ZNF652: variants seen among roughly 807,000 people sequenced by gnomAD.
ZNF652 encodes the protein zinc finger protein 652.
A neutral mutation model predicts 45.2 loss-of-function variants in ZNF652; 16 were observed. The ratio of observed to expected loss-of-function variants is 0.35; its 90% confidence interval spans 0.24 to 0.54. The LOEUF is 0.54. Among genes scored for constraint, ZNF652 ranks in the 20% least tolerant of loss-of-function variants. ZNF652 has a pLI of 0.91. For missense variants in ZNF652, 614 were observed against 765.6 expected, an observed-to-expected ratio of 0.80 and a Z score of 2.34; for synonymous variants, 250 against 260.6, an observed-to-expected ratio of 0.96 and a Z score of 0.39.
chr17:49,326,584 G>A (rs911686496), intron 1 of ZNF652, among the ~76,000 whole-genome samples: 5 of 152,104 alleles, frequency 3.3e-5, no homozygotes, highest in Non-Finnish European at 7.4e-5. Context: ...AGAAAAAACC[G>A]ACATGTGAAC....
At chr17:49,300,608 T>C (rs946742559) in intron 5 of ZNF652, among the ~76,000 whole-genome samples, 8 of 152,216 alleles carry the variant, frequency 5.3e-5, no homozygotes, top group African/African-American at 1.9e-4. Flanking sequence ...TACTTCTGTA[T>C]ATGCACTTCG....
intron 1 of ZNF652, among the ~76,000 whole-genome samples, chr17:49,344,491 T>A (rs2070183627): frequency 6.6e-6 from 1 of 151,758 alleles, no homozygotes. Context: ...ATCAAAGAAT[T>A]TTCACATTAG....
At chr17:49,345,611 G>A (rs966275284) in intron 1 of ZNF652, among the ~76,000 whole-genome samples, 2 of 151,580 alleles carry the variant, frequency 1.3e-5, no homozygotes, top group Admixed American at 1.3e-4. Flanking sequence ...GGAGGCTGAG[G>A]TGGGCCGATC....
rs1167677407 is a variant in ZNF652 at position 49,312,720 on chromosome 17, A to G, written c.1026T>C (p.Ala342=). 2 of 1,613,948 alleles carry G rather than the reference A, an allele frequency of 1.2e-6. No homozygotes were observed. Among genetic ancestry groups the G allele is most frequent in the Non-Finnish European group, 1.7e-6 (2 of 1,179,964 alleles). The part of the protein sequence containing the change: ...EICEKKFYTM[A]HVRKHMVAHT... ...TACCAACCATGTGTTTCCGCACATG[A>G]GCCATGGTATAGAATTTCTTCTCAC... The change falls in exon 3 of 6, where the codon GCT becomes GCC. Residue 342 remains alanine (A), a synonymous_variant. Transcript: ENST00000430262.
chr17:49,330,683 G>A (rs908284343), intron 1 of ZNF652, among the ~76,000 whole-genome samples: 5 of 151,858 alleles, frequency 3.3e-5, no homozygotes, highest in Admixed American at 2.0e-4. Context: ...AAATGGAGTA[G>A]TCCATTTTTA....
rs575701362 is a variant in ZNF652, at chr17:49,353,886, A to T, written c.-259+8023T>A. ...CAAGAGTTGGCTTCTGTGGACATGT[A>T]TTAGTACACAGTGCACCACCTGGTC... On this transcript the variant is annotated intron_variant, in intron 1 of 5. Transcript: ENST00000430262. Among the ~76,000 whole-genome samples, 115 of 152,344 alleles carry T rather than the reference A, an allele frequency of 7.5e-4. No individual in the cohort carries two copies. The South Asian group carries it at 0.023, about 30-fold the overall frequency.
intron 5 of ZNF652, among the ~76,000 whole-genome samples, chr17:49,302,118 G>A (rs1328249408): frequency 6.6e-6 from 1 of 151,704 alleles, no homozygotes; most frequent in East Asian, 2.0e-4. Flanking sequence ...GCCAGGCATG[G>A]TGGTGTGCAC....
intron 1 of ZNF652, among the ~76,000 whole-genome samples, chr17:49,334,205 G>A (rs914648015): frequency 2.6e-5 from 4 of 152,190 alleles, no homozygotes; most frequent in African/African-American, 9.6e-5. Context: ...AAGAAGTCAG[G>A]TGTAGTGGCT....
At chr17:49,328,216 G>C (rs1258930394) in intron 1 of ZNF652, among the ~76,000 whole-genome samples, 1 of 151,990 alleles carries the variant, frequency 6.6e-6, no homozygotes, top group African/African-American at 2.4e-5. Flanking sequence ...GGGAGGTGGT[G>C]AACAGGCCAC....
chr17:49,329,450 G>T (rs1196846548), intron 1 of ZNF652, among the ~76,000 whole-genome samples: 1 of 152,164 alleles, frequency 6.6e-6, no homozygotes, highest in Non-Finnish European at 1.5e-5. Context: ...ACATCAACTT[G>T]TAACAGTCAT....
At position 49,298,644 on chromosome 17, in the gene ZNF652, G is replaced by A. The variant is rs201480190; in HGVS notation, c.1590C>T (p.Ile530=). 27 of 1,613,818 alleles carry A rather than the reference G, an allele frequency of 1.7e-5. No individual in the cohort carries two copies. Among genetic ancestry groups the A allele is most frequent in the African/African-American group, 6.7e-5 (5 of 74,946 alleles). Residue 530 remains isoleucine (I), a synonymous_variant, in exon 6 of 6, where the codon ATC becomes ATT. Coordinates refer to ENST00000430262, the MANE Select transcript of ZNF652 (RefSeq NM_001145365.3). Reference sequence around the variant, plus strand: ...GAAGAGTGCTTACAGGATTCATATTGATTGGAGGGGTTGGGGTTGTGGCTG... The same window carrying A: ...GAAGAGTGCTTACAGGATTCATATTAATTGGAGGGGTTGGGGTTGTGGCTG... The part of the protein sequence containing the change: ...VNTATTPTPP[I]NMNPVSTLPP...
rs751180198 is a variant in ZNF652 at position 49,317,206 on chromosome 17, T to G, written c.520A>C (p.Lys174Gln). 9.3e-6 allele frequency: 15 copies of G among 1,613,394 alleles called. No individual in the cohort carries two copies. The highest frequency in any genetic ancestry group is 2.7e-5 in the African/African-American group (2 of 74,878). The change falls in exon 2 of 6, where the codon AAG becomes CAG. Residue 174 changes from lysine (K) to glutamine (Q), a missense_variant. This residue lies in a region of ZNF652 where 262 missense variants were observed against 306.3 expected (regional missense o/e 0.86). Transcript: ENST00000430262. ...ACTATCTTCTCCTTTTTCTTCTGCT[T>G]TTCATTCTCTCCATAGTCATTGCTG... is the stretch of plus-strand genomic sequence containing the variant. ...DDSNDYGENEKQKKKEKIVEK... is the reference protein window; with the variant it reads ...DDSNDYGENEQQKKKEKIVEK...
chr17:49,358,713 C>T (rs975685031), intron 1 of ZNF652, among the ~76,000 whole-genome samples: 5 of 152,082 alleles, frequency 3.3e-5, no homozygotes, highest in Admixed American at 2.6e-4. Context: ...TACCACACTA[C>T]GAGATTACTT....
chr17:49,288,878 G>A (rs2069367103), downstream of ZNF652, among the ~76,000 whole-genome samples: 1 of 152,144 alleles, frequency 6.6e-6, no homozygotes, highest in African/African-American at 2.4e-5. Flanking sequence ...ACCCAATCCT[G>A]ATCCTTTTTC....
chr17:49,344,526 T>C (rs1381844438), intron 1 of ZNF652, among the ~76,000 whole-genome samples: 1 of 148,012 alleles, frequency 6.8e-6, no homozygotes, highest in African/African-American at 2.5e-5. Flanking sequence ...AAATTTTTTT[T>C]TTTTTTTTTT....
At chr17:49,301,994 G>A (rs1026304890) in intron 5 of ZNF652, among the ~76,000 whole-genome samples, 5 of 152,094 alleles carry the variant, frequency 3.3e-5, no homozygotes, top group Non-Finnish European at 5.9e-5. Flanking sequence ...GCTCACACCT[G>A]GAATCCCAGC....
At position 49,318,267 on chromosome 17, in the gene ZNF652, G is replaced by A. The variant is rs533935861; in HGVS notation, c.-258-284C>T. Among the ~76,000 whole-genome samples, 7 of 152,094 alleles carry A rather than the reference G, an allele frequency of 4.6e-5. No individual in the cohort carries two copies. The East Asian group carries it at 9.7e-4, about 21-fold the overall frequency. ...TAATTTTTGTATTTTTAGTAGAGAC[G>A]GGGTTTTGCCATCTTGGCCAGGCTG... On this transcript the variant is annotated intron_variant, in intron 1 of 5. Coordinates refer to ENST00000430262, the MANE Select transcript of ZNF652 (RefSeq NM_001145365.3).
chr17:49,347,644 A>G (rs550988284), intron 1 of ZNF652, among the ~76,000 whole-genome samples: 1 of 152,106 alleles, frequency 6.6e-6, no homozygotes, highest in South Asian at 2.1e-4. Context: ...AATACCCAAA[A>G]AGAGGCAACC....
intron 1 of ZNF652, among the ~76,000 whole-genome samples, chr17:49,320,754 T>C (rs1048874515): frequency 6.6e-6 from 1 of 152,222 alleles, no homozygotes; most frequent in Non-Finnish European, 1.5e-5. Context: ...TAGCAAAAGC[T>C]AGGAGTTAAA....
Sources: gnomAD v4.1 joint callset for allele counts (sites outside exome capture counted in the v4.1 genomes callset) on GRCh38, gnomAD v4.1.1 for gene constraint, gnomAD v4.1.1 regional missense constraint, MANE v1.5 for transcripts, NCBI Gene and HGNC (gene_info 2026-07-23, HGNC 2026-07-21) for gene names.